The following ERBB4 variants were observed in gnomAD, a reference collection of about 807,000 sequenced individuals.
ERBB4 encodes the protein erb-b2 receptor tyrosine kinase 4, also known as receptor tyrosine-protein kinase erbB-4.
In ERBB4, 42 loss-of-function variants were observed where a neutral mutation model predicts 158.0. The ratio of observed to expected loss-of-function variants is 0.27; its 90% CI spans 0.21 to 0.34. The LOEUF is 0.34. ERBB4 is among the 10% of genes least tolerant of loss of function. The probability of loss-of-function intolerance (pLI) is 1.00; values close to 1 mark genes in which losing one functional copy is unlikely to be tolerated. For synonymous variants in ERBB4, 583 were observed against 558.7 expected (o/e 1.04, Z -0.61); for missense variants, 1,333 against 1,624.1 (o/e 0.82, Z 3.08).
intron 20 of ERBB4, among the ~76,000 whole-genome samples, chr2:211,510,714 C>T (rs6725419): frequency 0.032 from 4,863 of 152,094 alleles, 263 homozygotes; most frequent in African/African-American, 0.11. Flanking sequence ...CTACTCATTT[C>T]ATCATTTTAG....
chr2:211,589,868 C>G (rs896359459), intron 19 of ERBB4, among the ~76,000 whole-genome samples: 3 of 152,100 alleles, frequency 2.0e-5, no homozygotes, highest in African/African-American at 7.2e-5. Context: ...GAGAGAAGAG[C>G]ATCTGATCAA....
At chr2:211,423,755 T>C (rs2063561306) in intron 23 of ERBB4, among the ~76,000 whole-genome samples, 1 of 151,978 alleles carries the variant, frequency 6.6e-6, no homozygotes. Flanking sequence ...TTCAAGCTTT[T>C]TTCCTTCATG....
chr2:212,316,835 G>T (rs1156735212), intron 1 of ERBB4, among the ~76,000 whole-genome samples: 2 of 151,466 alleles, frequency 1.3e-5, no homozygotes, highest in East Asian at 3.9e-4. Context: ...TGTATGATAT[G>T]AGAATTATGT....
chr2:212,315,770 A>G (rs927202635), intron 1 of ERBB4, among the ~76,000 whole-genome samples: 4 of 151,426 alleles, frequency 2.6e-5, no homozygotes, highest in Non-Finnish European at 5.9e-5. Flanking sequence ...TTGTTAATAC[A>G]TGGATTTTCA....
At chr2:212,012,788 A>G (rs1052822993) in intron 2 of ERBB4, among the ~76,000 whole-genome samples, 3 of 151,884 alleles carry the variant, frequency 2.0e-5, no homozygotes, top group African/African-American at 7.3e-5. Context: ...TATGTCCCTC[A>G]GCCTGGAATG....
At chr2:211,593,744 A>C (rs2068544813) in intron 19 of ERBB4, among the ~76,000 whole-genome samples, 1 of 152,216 alleles carries the variant, frequency 6.6e-6, no homozygotes, top group African/African-American at 2.4e-5. Context: ...TGTGCAAAAC[A>C]ACCACCACCC....
chr2:211,646,525 C>G (rs894373210), intron 16 of ERBB4, among the ~76,000 whole-genome samples: 3 of 151,384 alleles, frequency 2.0e-5, no homozygotes, highest in Non-Finnish European at 4.4e-5. Context: ...TAAGGGAATT[C>G]CATCATAATT....
At chr2:212,455,389 C>A (rs1432075473) in intron 1 of ERBB4, among the ~76,000 whole-genome samples, 1 of 127,894 alleles carries the variant, frequency 7.8e-6, no homozygotes, top group Non-Finnish European at 1.9e-5. Context: ...CAGTAGCAGC[C>A]TCTAGCCCTG....
intron 13 of ERBB4, among the ~76,000 whole-genome samples, chr2:211,678,662 T>G (rs952723616): frequency 6.6e-6 from 1 of 152,128 alleles, no homozygotes; most frequent in African/African-American, 2.4e-5. Flanking sequence ...ACCATTTTCT[T>G]ATAATTTTAA....
chr2:212,468,627 C>G (rs1688963412), intron 1 of ERBB4, among the ~76,000 whole-genome samples: 1 of 152,174 alleles, frequency 6.6e-6, no homozygotes, highest in Non-Finnish European at 1.5e-5. Flanking sequence ...ATATCTTTAT[C>G]AGCAGTGTGA....
At chr2:212,047,639 A>ATTT (rs377248079) in intron 2 of ERBB4, among the ~76,000 whole-genome samples, 15 of 135,584 alleles carry the variant, frequency 1.1e-4, no homozygotes, top group South Asian at 2.4e-4. Flanking sequence ...CACTTGGCTA[A>ATTT]TTTTTTTTTT....
At chr2:211,877,112 G>T (rs780759140) in intron 3 of ERBB4, among the ~76,000 whole-genome samples, 1 of 152,174 alleles carries the variant, frequency 6.6e-6, no homozygotes, top group Admixed American at 6.5e-5. Flanking sequence ...ACAATAAGAC[G>T]TAAGTGGAGG....
intron 1 of ERBB4, among the ~76,000 whole-genome samples, chr2:212,377,701 G>A (rs2090371642): frequency 6.6e-6 from 1 of 151,760 alleles, no homozygotes; most frequent in African/African-American, 2.4e-5. Context: ...TACTACTGCA[G>A]ACTTTGTAAA....
chr2:211,835,407 T>C (rs1381093135), intron 3 of ERBB4, among the ~76,000 whole-genome samples: 1 of 134,226 alleles, frequency 7.5e-6, no homozygotes, highest in Non-Finnish European at 1.7e-5. Flanking sequence ...TGAAGTTTTA[T>C]GTGTTCAGGA....
intron 1 of ERBB4, among the ~76,000 whole-genome samples, chr2:212,462,930 G>T (rs1688648002): frequency 6.6e-6 from 1 of 152,024 alleles, no homozygotes. Flanking sequence ...CCATAAAAAA[G>T]AATGAAATCT....
chr2:212,161,304 G>A (rs574121635), intron 1 of ERBB4, among the ~76,000 whole-genome samples: 50 of 151,910 alleles, frequency 3.3e-4, no homozygotes, highest in African/African-American at 1.2e-3. Context: ...ACTATGAAGT[G>A]TCCCCATACT....
intron 16 of ERBB4, among the ~76,000 whole-genome samples, chr2:211,635,210 TAG>T: frequency 6.6e-6 from 1 of 152,328 alleles, no homozygotes; most frequent in Admixed American, 6.5e-5. Context: ...GATCAATTGA[TAG>T]TTTACCTTAT....
At chr2:212,267,740 C>T (rs548101915) in intron 1 of ERBB4, among the ~76,000 whole-genome samples, 12 of 151,052 alleles carry the variant, frequency 7.9e-5, no homozygotes, top group Non-Finnish European at 1.5e-4. Flanking sequence ...CTAATGCTAT[C>T]CCTCCCCCCT....
At chr2:212,242,887 T>A (rs972700406) in intron 1 of ERBB4, among the ~76,000 whole-genome samples, 1 of 152,208 alleles carries the variant, frequency 6.6e-6, no homozygotes, top group Non-Finnish European at 1.5e-5. Context: ...TTAGACCAAG[T>A]ACGGCTAAAG....
Sources: gnomAD v4.1 joint callset for allele counts (sites outside exome capture counted in the v4.1 genomes callset) on GRCh38, gnomAD v4.1.1 for gene constraint, MANE v1.5 for transcripts, NCBI Gene and HGNC (gene_info 2026-07-23, HGNC 2026-07-21) for gene names.